LRRC1: variants seen among roughly 807,000 people sequenced by gnomAD.
The protein encoded by LRRC1 is leucine rich repeat containing 1.
In LRRC1, 28 loss-of-function variants were observed where a neutral mutation model predicts 69.9. The observed-to-expected ratio is 0.40, with a 90% CI of 0.30 to 0.55. LRRC1 has a LOEUF of 0.55. LRRC1 is among the 20% of genes least tolerant of loss of function. The probability of loss-of-function intolerance (pLI) is 0.47; values close to 1 mark genes in which losing one functional copy is unlikely to be tolerated. For synonymous variants in LRRC1, 236 were observed against 240.2 expected (o/e 0.98, Z 0.16); for missense variants, 498 against 609.0 (o/e 0.82, Z 1.92).
intron 1 of LRRC1, among the ~76,000 whole-genome samples, chr6:53,812,304 C>T (rs569700810): frequency 1.5e-4 from 23 of 152,262 alleles, no homozygotes; most frequent in Non-Finnish European, 2.9e-4. Flanking sequence ...AATTTAGTGA[C>T]TGACTGGATT....
At chr6:53,911,212 A>G (rs1164644747) in intron 10 of LRRC1, among the ~76,000 whole-genome samples, 1 of 152,188 alleles carries the variant, frequency 6.6e-6, no homozygotes, top group Non-Finnish European at 1.5e-5. Flanking sequence ...AATAACACAC[A>G]GTAGACAGCT....
Position 53,919,517 on chromosome 6 carries a change from T to A in LRRC1, c.1126T>A (p.Ser376Thr), listed in dbSNP as rs765253155. The A allele has an allele frequency of 6.9e-6, 11 of 1,599,248 alleles. No homozygotes were observed. The East Asian group carries it at 2.5e-4, about 36-fold the overall frequency. Residue 376 changes from serine (S) to threonine (T), a missense_variant, in exon 12 of 14, where the codon TCC (serine) becomes ACC (threonine). Physicochemically the swap from Ser to Thr is moderately conservative, Grantham distance 58. This residue lies in a region of LRRC1 where 266 missense variants were observed against 383.9 expected (regional missense o/e 0.69). Coordinates refer to ENST00000370888, the MANE Select transcript of LRRC1 (RefSeq NM_018214.5). ...AGNRLLHLPL[S>T]LTALKLKALW... ...AAACAGGTTGCTGCATCTACCTTTA[T>A]CCCTGACTGCCTTGAAGTTGAAGGC...
chr6:53,849,553 C>T (rs1766060475), intron 2 of LRRC1, among the ~76,000 whole-genome samples: 2 of 152,164 alleles, frequency 1.3e-5, no homozygotes, highest in Admixed American at 1.3e-4. Context: ...GGTTGGATGG[C>T]ATCTTTTTGT....
chr6:53,798,854 G>A (rs931231120), intron 1 of LRRC1, among the ~76,000 whole-genome samples: 1 of 152,108 alleles, frequency 6.6e-6, no homozygotes, highest in Non-Finnish European at 1.5e-5. Context: ...TTCTAATATA[G>A]TCAGAATATT....
intron 1 of LRRC1, among the ~76,000 whole-genome samples, chr6:53,830,743 G>C (rs1765402348): frequency 6.6e-6 from 1 of 151,840 alleles, no homozygotes; most frequent in South Asian, 2.1e-4. Flanking sequence ...AAACCTATCT[G>C]GTTGGAGAGG....
chr6:53,898,638 T>G (rs1459381475), intron 7 of LRRC1, among the ~76,000 whole-genome samples: 2 of 152,264 alleles, frequency 1.3e-5, no homozygotes, highest in Non-Finnish European at 2.9e-5. Context: ...TTAGAATGAT[T>G]TTTCTTATCT....
At chr6:53,908,114 A>C (rs1343977660) in intron 10 of LRRC1, among the ~76,000 whole-genome samples, 1 of 152,198 alleles carries the variant, frequency 6.6e-6, no homozygotes, top group Non-Finnish European at 1.5e-5. Context: ...ATTGTGCAGT[A>C]GTATGATTGA....
rs183161958 is a variant in LRRC1 at position 53,860,057 on chromosome 6, G to T, written c.277+17830G>T. ...TAAGTTTGGATGACAGTGCCTATGAGAATTGCTTTAGGACATAGAAATTGA... is the reference window on the plus strand; with the variant it reads ...TAAGTTTGGATGACAGTGCCTATGATAATTGCTTTAGGACATAGAAATTGA... On this transcript the variant is annotated intron_variant, in intron 2 of 13. Transcript: ENST00000370888. Among the ~76,000 whole-genome samples the T allele has an allele frequency of 2.0e-5, 3 of 152,170 alleles. No individual in the cohort carries two copies. The East Asian group carries it at 5.8e-4, about 29-fold the overall frequency.
chr6:53,869,155 A>G (rs1246587508), intron 2 of LRRC1, among the ~76,000 whole-genome samples: 2 of 152,202 alleles, frequency 1.3e-5, no homozygotes, highest in African/African-American at 2.4e-5. Context: ...GAGAGAGACC[A>G]TTTAAGAGGC....
At chr6:53,914,293 T>C (rs1188597964) in intron 11 of LRRC1, among the ~76,000 whole-genome samples, 1 of 152,028 alleles carries the variant, frequency 6.6e-6, no homozygotes, top group East Asian at 1.9e-4. Context: ...GTGACTTAGC[T>C]CTTCTAAGTA....
intron 1 of LRRC1, among the ~76,000 whole-genome samples, chr6:53,826,164 G>A (rs569842895): frequency 5.4e-5 from 8 of 148,280 alleles, no homozygotes; most frequent in African/African-American, 2.0e-4. Flanking sequence ...GGCTTGCTGA[G>A]GCATGATCTT....
At chr6:53,908,668 C>T (rs1040203896) in intron 10 of LRRC1, among the ~76,000 whole-genome samples, 2 of 152,104 alleles carry the variant, frequency 1.3e-5, no homozygotes, top group African/African-American at 4.8e-5. Context: ...TTCTGATCTT[C>T]AAGAAGGTAA....
intron 2 of LRRC1, among the ~76,000 whole-genome samples, chr6:53,865,087 C>T (rs1044047090): frequency 4.6e-5 from 7 of 152,118 alleles, no homozygotes; most frequent in African/African-American, 1.5e-4. Flanking sequence ...ATTTTCTTAG[C>T]AGGAGTTGAT....
At chr6:53,826,050 C>A (rs1765245925) in intron 1 of LRRC1, among the ~76,000 whole-genome samples, 1 of 151,854 alleles carries the variant, frequency 6.6e-6, no homozygotes, top group Non-Finnish European at 1.5e-5. Context: ...CCTGTGATGA[C>A]CATTTTTCCC....
At chr6:53,872,269 T>A (rs74387145) in intron 2 of LRRC1, among the ~76,000 whole-genome samples, 3,012 of 152,188 alleles carry the variant, frequency 0.02, 108 homozygotes, top group African/African-American at 0.068. Flanking sequence ...TTAAAAAAAA[T>A]TTTTATTTCC....
chr6:53,848,425 C>T (rs779412644), intron 2 of LRRC1, among the ~76,000 whole-genome samples: 18 of 152,230 alleles, frequency 1.2e-4, no homozygotes, highest in African/African-American at 3.1e-4. Context: ...CAAATTTCAG[C>T]GAGCATTGTT....
At chr6:53,863,400 G>A (rs1766593711) in intron 2 of LRRC1, among the ~76,000 whole-genome samples, 1 of 152,190 alleles carries the variant, frequency 6.6e-6, no homozygotes, top group Non-Finnish European at 1.5e-5. Flanking sequence ...CATCCCAAGA[G>A]CCTGTTTTCG....
At chr6:53,884,499 C>T (rs887542254) in intron 4 of LRRC1, among the ~76,000 whole-genome samples, 5 of 151,986 alleles carry the variant, frequency 3.3e-5, no homozygotes, top group African/African-American at 1.2e-4. Context: ...AGAGCAAGAC[C>T]CCATCCCCGC....
At chr6:53,861,603 G>A (rs1766524448) in intron 2 of LRRC1, among the ~76,000 whole-genome samples, 1 of 151,880 alleles carries the variant, frequency 6.6e-6, no homozygotes, top group Admixed American at 6.6e-5. Context: ...TATTAAACCT[G>A]GATTAGGGAT....
Sources: gnomAD v4.1 joint callset for allele counts (sites outside exome capture counted in the v4.1 genomes callset) on GRCh38, gnomAD v4.1.1 for gene constraint, gnomAD v4.1.1 regional missense constraint, MANE v1.5 for transcripts, NCBI Gene and HGNC (gene_info 2026-07-23, HGNC 2026-07-21) for gene names.